Variants in ITGAM observed in about 807,000 individuals in gnomAD.
The protein encoded by ITGAM is integrin alpha-M.
Under a neutral mutation model 137.5 loss-of-function variants are expected in ITGAM, and 79 were observed. That is an observed-to-expected ratio of 0.57 (90% confidence interval 0.48 to 0.69). The LOEUF (loss-of-function observed/expected upper bound fraction) is 0.69. Among genes scored for constraint, ITGAM ranks in the 30% least tolerant of loss-of-function variants. The probability of loss-of-function intolerance (pLI) is 0.00; values close to 1 mark genes in which losing one functional copy is unlikely to be tolerated. For missense variants in ITGAM, 1,343 were observed against 1,483.5 expected (o/e 0.91, Z 1.56); for synonymous variants, 583 against 592.3 (o/e 0.98, Z 0.23).
At chr16:31,318,811 TTGTAATTGAA>T (rs559194797) in intron 14 of ITGAM, among the ~76,000 whole-genome samples, 129 of 152,322 alleles carry the variant, frequency 8.5e-4, no homozygotes, top group African/African-American at 2.9e-3. Context: ...AAGTTAGGTT[TTGTAATTGAA>T]ATTTGTCTTT....
rs774447380 is a variant in ITGAM, at chr16:31,297,528, C to T, written c.1371C>T (p.Phe457=). 5.3e-5 allele frequency: 86 copies of T among 1,611,926 alleles called. No homozygotes were observed. In the East Asian group the frequency reaches 8.9e-4, roughly 17 times the overall value. ...NVKGTQIGAY[F]GASLCSVDVD... ...GTCTCTTTCAGATCGGCGCCTACTT[C>T]GGGGCCTCCCTCTGCTCCGTGGACG... The change falls in exon 13 of 30, where the codon TTC becomes TTT. Residue 457 remains phenylalanine (F), a synonymous_variant. Transcript: ENST00000544665.
intron 14 of ITGAM, among the ~76,000 whole-genome samples, chr16:31,315,147 T>C (rs1217736021): frequency 6.6e-6 from 1 of 152,094 alleles, no homozygotes; most frequent in East Asian, 1.9e-4. Context: ...TTATTTATTT[T>C]CTTACTATTG....
intron 14 of ITGAM, among the ~76,000 whole-genome samples, chr16:31,311,057 G>C (rs1025643720): frequency 6.6e-6 from 1 of 152,108 alleles, no homozygotes; most frequent in Non-Finnish European, 1.5e-5. Flanking sequence ...TTAATAAATG[G>C]TGCTGGGAAA....
chr16:31,266,258 G>C, intron 5 of ITGAM, 111 bp downstream of exon 5: 3 of 724,860 alleles, frequency 4.1e-6, no homozygotes, highest in South Asian at 3.2e-5. Flanking sequence ...AAGAGTGGGG[G>C]AACTGGGTCC....
chr16:31,331,478 T>A, intron 29 of ITGAM, 158 bp from the exon 30 acceptor site: 1 of 674,906 alleles, frequency 1.5e-6, no homozygotes. Context: ...TTGTAGTTTC[T>A]GTTTTTCTCC....
chr16:31,307,658 G>T (rs1373793418), intron 14 of ITGAM, among the ~76,000 whole-genome samples: 2 of 152,052 alleles, frequency 1.3e-5, no homozygotes, highest in African/African-American at 4.8e-5. Context: ...CTGCCTGATT[G>T]CCCTGGCCAG....
At chr16:31,267,626 A>C (rs1442158898) in intron 5 of ITGAM, among the ~76,000 whole-genome samples, 1 of 151,282 alleles carries the variant, frequency 6.6e-6, no homozygotes, top group Admixed American at 6.6e-5. Context: ...TCTCTCATGC[A>C]CCAACTAAGG....
At chr16:31,326,986 G>A (rs1166681269) in intron 22 of ITGAM, 51 bp downstream of exon 22, 1 of 1,369,040 alleles carries the variant, frequency 7.3e-7, no homozygotes, top group East Asian at 2.3e-5. Flanking sequence ...TGACGCCCCA[G>A]CCCCTGGCCC....
intron 8 of ITGAM, 140 bp downstream of exon 8, chr16:31,273,658 G>T: frequency 1.3e-6 from 1 of 773,008 alleles, no homozygotes; most frequent in South Asian, 1.8e-5. Flanking sequence ...TCAGCTATCT[G>T]TTGCCACATC....
intron 12 of ITGAM, among the ~76,000 whole-genome samples, chr16:31,278,365 C>T (rs919378244): frequency 3.3e-5 from 5 of 152,074 alleles, no homozygotes; most frequent in Admixed American, 1.3e-4. Context: ...GTATTCAACC[C>T]GTATATAACC....
chr16:31,262,267 C>T (rs868594407), intron 2 of ITGAM, among the ~76,000 whole-genome samples: 1 of 150,518 alleles, frequency 6.6e-6, no homozygotes, highest in African/African-American at 2.4e-5. Flanking sequence ...TCCTTCTTTC[C>T]TTCCTTCCTT....
intron 14 of ITGAM, among the ~76,000 whole-genome samples, chr16:31,312,558 C>G (rs1361881150): frequency 6.6e-6 from 1 of 152,100 alleles, no homozygotes; most frequent in Non-Finnish European, 1.5e-5. Context: ...TCCTAAGTGT[C>G]TTTGACTGCA....
chr16:31,298,624 G>A (rs139985339), intron 14 of ITGAM, among the ~76,000 whole-genome samples: 2 of 152,154 alleles, frequency 1.3e-5, no homozygotes, highest in Non-Finnish European at 2.9e-5. Flanking sequence ...GCTTAACTCT[G>A]TCCCAGATTT....
Position 31,324,403 on chromosome 16 carries a change from G to A in ITGAM, c.2007G>A (p.Gln669=). The stretch of plus-strand genomic sequence containing the variant: ...TGTGCCACCCTGTCCCTTCAGGACA[G>A]ATCCAGAGTGTTGTGACTTATGACC... ...KSTRDRLREG[Q]IQSVVTYDLA... Residue 669 remains glutamine (Q), a synonymous_variant, in exon 17 of 30, where the codon CAG becomes CAA. Transcript: ENST00000544665. The surrounding 1 kb of genome is among the most constrained non-coding windows in gnomAD (Gnocchi z 4.5). 1 of 1,551,910 alleles carries A rather than the reference G, an allele frequency of 6.4e-7. No homozygotes were observed. Among genetic ancestry groups the A allele is most frequent in the Non-Finnish European group, 8.7e-7 (1 of 1,147,110 alleles).
chr16:31,306,729 C>T (rs1465504375), intron 14 of ITGAM, among the ~76,000 whole-genome samples: 1 of 152,038 alleles, frequency 6.6e-6, no homozygotes, highest in Non-Finnish European at 1.5e-5. Flanking sequence ...CCAGTCTGGT[C>T]TCGAACTACT....
At chr16:31,321,002 C>T (rs1015009352) in intron 14 of ITGAM, among the ~76,000 whole-genome samples, 5 of 151,980 alleles carry the variant, frequency 3.3e-5, no homozygotes, top group South Asian at 2.1e-4. Context: ...GTGAGACCCC[C>T]GTTTTTATTT....
rs926268345 is a variant in ITGAM, at chr16:31,265,306, C to T, written c.135-89C>T. On this transcript the variant is annotated intron_variant, in intron 2 of 29. Coordinates refer to ENST00000544665, the MANE Select transcript of ITGAM (RefSeq NM_000632.4). ...AATTTAGGAATCCGGGTATGGGCCC[C>T]CACCGTCCTCTGGGTGGCAGAACTT... 19 of 604,052 alleles carry T rather than the reference C, an allele frequency of 3.1e-5. No individual in the cohort carries two copies. The African/African-American group carries it at 3.5e-4, about 11-fold the overall frequency. 37.4% of individuals were successfully genotyped at this position (604,052 alleles called of 1,614,324 possible).
At chr16:31,261,588 G>A in intron 1 of ITGAM, 104 bp from the exon 2 acceptor site, 1 of 678,908 alleles carries the variant, frequency 1.5e-6, no homozygotes, top group South Asian at 1.7e-5. Context: ...CACAATCAGG[G>A]CTCAAGTGAT....
At chr16:31,305,435 G>A (rs904352806) in intron 14 of ITGAM, among the ~76,000 whole-genome samples, 2 of 152,006 alleles carry the variant, frequency 1.3e-5, no homozygotes, top group Non-Finnish European at 1.5e-5. Context: ...TTTCCAATTT[G>A]GACCCCTTTA....
Sources: allele counts gnomAD v4.1 joint callset (sites outside exome capture counted in the v4.1 genomes callset), GRCh38; gene constraint gnomAD v4.1.1; non-coding constraint Gnocchi (gnomAD v3.1); transcripts MANE v1.5; gene names NCBI Gene and HGNC (gene_info 2026-07-23, HGNC 2026-07-21).